DPP4: variants seen among roughly 807,000 people sequenced by gnomAD.
DPP4 encodes ADCP-2.
In DPP4, 93 loss-of-function variants were observed where a neutral mutation model predicts 122.4. That is an observed-to-expected ratio of 0.76 (90% confidence interval 0.64 to 0.90). DPP4 has a LOEUF of 0.90. DPP4 is among the 40% of genes least tolerant of loss of function. The pLI is 0.00. For missense variants in DPP4, 914 were observed against 907.3 expected, an observed-to-expected ratio of 1.01 and a Z score of -0.09; for synonymous variants, 321 against 302.9, an observed-to-expected ratio of 1.06 and a Z score of -0.62.
At position 162,024,848 on chromosome 2, in the gene DPP4, T is replaced by C. The variant is rs200835387; in HGVS notation, c.979A>G (p.Ile327Val). Residue 327 changes from isoleucine (I) to valine (V), a missense_variant, in exon 11 of 26, where the codon ATT (isoleucine) becomes GTT (valine). Transcript: ENST00000360534. ...CCACTGGATTCATCATAGTCACAAA[T>C]ATCCATGACCGAATAGTTCTGAATC... ...RRIQNYSVMD[I>V]CDYDESSGRW... 7 of 1,613,788 alleles carry C rather than the reference T, an allele frequency of 4.3e-6. No homozygotes were observed. The highest frequency in any genetic ancestry group is 1.7e-5 in the Admixed American group (1 of 59,986).
At chr2:162,009,614 C>T (rs1349563354) in intron 20 of DPP4, among the ~76,000 whole-genome samples, 1 of 150,446 alleles carries the variant, frequency 6.6e-6, no homozygotes, top group Non-Finnish European at 1.5e-5. Context: ...AATTTGCAGC[C>T]CAGATGCACT....
At position 162,074,042 on chromosome 2, in the gene DPP4, G is replaced by C. The variant is rs904065599; in HGVS notation, c.-61C>G. ...GGAGCGCAGGCAGAAGTCACCGCGG[G>C]CGGCGGAGACGCGCGTCCTGCACCG... On this transcript the variant is annotated 5_prime_UTR_variant, in exon 1 of 26. Transcript: ENST00000360534. 6 of 1,592,012 alleles carry C rather than the reference G, an allele frequency of 3.8e-6. No homozygotes were observed. The highest frequency in any genetic ancestry group is 4.3e-6 in the Non-Finnish European group (5 of 1,170,174).
chr2:162,069,826 T>A (rs1685057624), intron 2 of DPP4, among the ~76,000 whole-genome samples: 1 of 152,226 alleles, frequency 6.6e-6, no homozygotes, highest in Non-Finnish European at 1.5e-5. Flanking sequence ...GGTTTTCTCT[T>A]ATTACTGATG....
intron 2 of DPP4, among the ~76,000 whole-genome samples, chr2:162,050,154 T>C (rs1346036163): frequency 6.6e-6 from 1 of 152,222 alleles, no homozygotes; most frequent in African/African-American, 2.4e-5. Context: ...TCTCAATTGC[T>C]TGTATTCATC....
chr2:162,045,250 T>C (rs1361011433), intron 5 of DPP4, among the ~76,000 whole-genome samples: 1 of 152,190 alleles, frequency 6.6e-6, no homozygotes. Context: ...TTTAAATATG[T>C]GTGTAAGTAC....
intron 5 of DPP4, among the ~76,000 whole-genome samples, chr2:162,041,214 G>A (rs1683974131): frequency 6.6e-6 from 1 of 152,212 alleles, no homozygotes; most frequent in African/African-American, 2.4e-5. Context: ...TATTATGTCT[G>A]AATATAGATG....
chr2:162,050,198 G>A (rs1469644278), intron 2 of DPP4, among the ~76,000 whole-genome samples: 3 of 152,164 alleles, frequency 2.0e-5, no homozygotes, highest in Non-Finnish European at 4.4e-5. Flanking sequence ...TAGTTAAAAA[G>A]TGAGTACTAT....
chr2:161,998,475 C>G (rs1298916388), intron 23 of DPP4, among the ~76,000 whole-genome samples: 1 of 152,186 alleles, frequency 6.6e-6, no homozygotes, highest in African/African-American at 2.4e-5. Flanking sequence ...AAATATACAA[C>G]TGTGCCACCT....
At chr2:162,019,566 T>C (rs939277256) in intron 14 of DPP4, among the ~76,000 whole-genome samples, 1 of 150,562 alleles carries the variant, frequency 6.6e-6, no homozygotes, top group African/African-American at 2.5e-5. Flanking sequence ...AAAAAAAAAA[T>C]AGGACTAGGC....
At chr2:162,059,363 G>A (rs1299816806) in intron 2 of DPP4, among the ~76,000 whole-genome samples, 1 of 152,176 alleles carries the variant, frequency 6.6e-6, no homozygotes, top group Non-Finnish European at 1.5e-5. Context: ...TATGCCCCAT[G>A]AAATTGACTG....
chr2:162,049,272 A>G (rs974770975), intron 2 of DPP4, among the ~76,000 whole-genome samples: 2 of 152,234 alleles, frequency 1.3e-5, no homozygotes, highest in South Asian at 2.1e-4. Flanking sequence ...TGTGGTACAC[A>G]TACACCACGG....
intron 19 of DPP4, among the ~76,000 whole-genome samples, chr2:162,013,470 T>C (rs1378568594): frequency 6.6e-6 from 1 of 152,186 alleles, no homozygotes; most frequent in Non-Finnish European, 1.5e-5. Context: ...ACTGTGAATA[T>C]AGTGGATCAA....
chr2:162,007,719 T>G (rs1201713276), intron 22 of DPP4, among the ~76,000 whole-genome samples: 1 of 152,118 alleles, frequency 6.6e-6, no homozygotes, highest in Non-Finnish European at 1.5e-5. Flanking sequence ...AACAAATTCA[T>G]TGTGTGTAGA....
At chr2:162,023,519 A>G (rs1012778151) in intron 11 of DPP4, among the ~76,000 whole-genome samples, 1 of 151,932 alleles carries the variant, frequency 6.6e-6, no homozygotes, top group Admixed American at 6.6e-5. Context: ...AGCTATTCAC[A>G]CTGGATGCCT....
chr2:161,993,463 G>C, intron 25 of DPP4, 79 bp from the exon 26 acceptor site: 1 of 976,190 alleles, frequency 1.0e-6, no homozygotes, highest in Non-Finnish European at 1.6e-6. Context: ...ATTCAAATGA[G>C]CTCTCACGAG....
At chr2:162,055,167 A>G (rs1684523515) in intron 2 of DPP4, among the ~76,000 whole-genome samples, 1 of 152,244 alleles carries the variant, frequency 6.6e-6, no homozygotes, top group Non-Finnish European at 1.5e-5. Flanking sequence ...TATTTAGGAT[A>G]AGTGCAATCT....
chr2:162,073,867 G>T, intron 1 of DPP4, 109 bp downstream of exon 1: 1 of 1,461,572 alleles, frequency 6.8e-7, no homozygotes, highest in Non-Finnish European at 9.3e-7. Context: ...TGGGGCTTCC[G>T]CCTAAGGGGA....
At chr2:162,046,567 C>T (rs879585500) in intron 4 of DPP4, 5 of 380,796 alleles carry the variant, frequency 1.3e-5, no homozygotes, top group South Asian at 4.1e-5. Flanking sequence ...AGAAGGTTAG[C>T]GTTAAGTGTG....
intron 16 of DPP4, among the ~76,000 whole-genome samples, chr2:162,018,378 A>G (rs1411260370): frequency 2.0e-5 from 3 of 152,230 alleles, no homozygotes; most frequent in Non-Finnish European, 4.4e-5. Context: ...AGCAGTGAGC[A>G]TGTTGGGTGA....
Sources: gnomAD v4.1 joint callset for allele counts (sites outside exome capture counted in the v4.1 genomes callset) on GRCh38, gnomAD v4.1.1 for gene constraint, MANE v1.5 for transcripts, NCBI Gene and HGNC (gene_info 2026-07-23, HGNC 2026-07-21) for gene names.